Variants in RTN3 observed in about 807,000 individuals in gnomAD.
The protein encoded by RTN3 is reticulon-3.
A neutral mutation model predicts 77.8 loss-of-function variants in RTN3; 49 were observed. The ratio of observed to expected loss-of-function variants is 0.63; its 90% CI spans 0.50 to 0.80. The LOEUF is 0.80. Among genes scored for constraint, RTN3 ranks in the 30% least tolerant of loss-of-function variants. The pLI, the probability that RTN3 is intolerant of heterozygous loss-of-function variation, is 0.00. For synonymous variants in RTN3, 464 were observed against 446.9 expected, an observed-to-expected ratio of 1.04 and a Z score of -0.48; for missense variants, 1,236 against 1,211.9, an observed-to-expected ratio of 1.02 and a Z score of -0.29.
chr11:63,688,207 T>G (rs1941469987), intron 1 of RTN3, among the ~76,000 whole-genome samples: 3 of 150,246 alleles, frequency 2.0e-5, no homozygotes, highest in Admixed American at 1.3e-4. Flanking sequence ...TCTCCAAGAA[T>G]AAGAAGTGTG....
intron 3 of RTN3, among the ~76,000 whole-genome samples, chr11:63,732,434 T>G (rs1389190183): frequency 6.6e-6 from 1 of 151,740 alleles, no homozygotes; most frequent in Non-Finnish European, 1.5e-5. Flanking sequence ...CTTGGCCTCC[T>G]AAAGCGCTGA....
rs2011627954 is a variant in RTN3, at chr11:63,719,857, G to T, written c.1355G>T (p.Gly452Val). 1 of 1,614,122 alleles carries T rather than the reference G, an allele frequency of 6.2e-7. No individual in the cohort carries two copies. The highest frequency in any genetic ancestry group is 1.3e-5 in the African/African-American group (1 of 75,040). The stretch of plus-strand genomic sequence containing the variant: ...GATGACACACTTGCAGAATTACCTG[G>T]ATCTCCACCTGAGAAATGTGACTCT... ...KQDDTLAELP[G>V]SPPEKCDSLG... Residue 452 changes from glycine to valine, a missense_variant, in exon 3 of 9, where the codon GGA (glycine) becomes GTA (valine). By Grantham distance (109) the Gly-to-Val change is moderately radical (BLOSUM62 -3). Around this residue, in one of 3 missense-constraint regions of RTN3, gnomAD observed 1,056 missense variants for 990.4 expected, o/e 1.07. Coordinates refer to ENST00000377819, the MANE Select transcript of RTN3 (RefSeq NM_001265589.2).
chr11:63,727,228 T>A (rs2012347931), intron 3 of RTN3, among the ~76,000 whole-genome samples: 1 of 152,224 alleles, frequency 6.6e-6, no homozygotes, highest in African/African-American at 2.4e-5. Context: ...TCCAGAGGAA[T>A]AGAACACAGT....
intron 3 of RTN3, among the ~76,000 whole-genome samples, chr11:63,742,583 T>C (rs180937775): frequency 1.3e-5 from 2 of 152,014 alleles, no homozygotes; most frequent in East Asian, 3.9e-4. Flanking sequence ...ATGCGGAGGT[T>C]GCATTGAGCC....
At chr11:63,744,582 AT>A (rs1259376177) in intron 3 of RTN3, among the ~76,000 whole-genome samples, 1 of 152,180 alleles carries the variant, frequency 6.6e-6, no homozygotes, top group Non-Finnish European at 1.5e-5. Context: ...AAAATACAAT[AT>A]TCTAATCTTA....
intron 1 of RTN3, among the ~76,000 whole-genome samples, chr11:63,690,000 T>G (rs1232034178): frequency 3.3e-5 from 5 of 152,098 alleles, no homozygotes; most frequent in Non-Finnish European, 7.4e-5. Context: ...TCAAGTGAAC[T>G]GCCCCCGCCT....
At chr11:63,681,867 A>G in intron 1 of RTN3, 89 bp downstream of exon 1, 1 of 1,345,696 alleles carries the variant, frequency 7.4e-7, no homozygotes. Context: ...CGGGAGGAGG[A>G]CGAATTACCC....
chr11:63,727,492 G>A (rs1327836579), intron 3 of RTN3, among the ~76,000 whole-genome samples: 1 of 152,162 alleles, frequency 6.6e-6, no homozygotes, highest in African/African-American at 2.4e-5. Flanking sequence ...AGAGTCAGGT[G>A]GGGATTCTAG....
In RTN3 at chr11:63,756,540, A is replaced by G. The variant is rs562988975; in HGVS notation, c.3053+370A>G. Among the ~76,000 whole-genome samples, 6 of 152,082 alleles carry G rather than the reference A, an allele frequency of 3.9e-5. No homozygotes were observed. In the South Asian group the frequency reaches 6.2e-4, roughly 16 times the overall value. ...AATAAAAAATTAGCTGTGCATGGTA[A>G]CACGTGCCTTTAGTCCCAGCTACTG... On this transcript the variant is annotated intron_variant, in intron 8 of 8. Transcript: ENST00000377819.
At chr11:63,692,630 A>T (rs888461677) in intron 1 of RTN3, among the ~76,000 whole-genome samples, 2 of 152,004 alleles carry the variant, frequency 1.3e-5, no homozygotes, top group African/African-American at 4.8e-5. Context: ...GCGTGGTGGC[A>T]TGCGCCTGTA....
chr11:63,702,166 A>C (rs540990513), intron 1 of RTN3, among the ~76,000 whole-genome samples: 82 of 152,068 alleles, frequency 5.4e-4, no homozygotes, highest in African/African-American at 2.0e-3. Context: ...TTAATATGTA[A>C]AGTTCAGTAT....
At chr11:63,683,811 AT>A (rs1342479911) in intron 1 of RTN3, among the ~76,000 whole-genome samples, 1 of 152,072 alleles carries the variant, frequency 6.6e-6, no homozygotes, top group Admixed American at 6.6e-5. Flanking sequence ...TGCTGAAATT[AT>A]GTGTTTTGTC....
intron 3 of RTN3, among the ~76,000 whole-genome samples, chr11:63,746,258 A>G (rs61928233): frequency 0.014 from 2,164 of 152,308 alleles, 15 homozygotes; most frequent in Middle Eastern, 0.024. Flanking sequence ...TTGAATGTAT[A>G]GAAGAATTAC....
intron 3 of RTN3, among the ~76,000 whole-genome samples, chr11:63,747,200 A>C (rs531669384): frequency 1.3e-5 from 2 of 152,328 alleles, no homozygotes; most frequent in South Asian, 4.1e-4. Context: ...CAGTGCATGC[A>C]CTATGTCTGG....
intron 3 of RTN3, among the ~76,000 whole-genome samples, chr11:63,726,238 A>G (rs1229273764): frequency 6.6e-6 from 1 of 152,254 alleles, no homozygotes; most frequent in Non-Finnish European, 1.5e-5. Context: ...GAACGGGAGC[A>G]GTCAGATTCT....
In RTN3 at chr11:63,720,956, A is replaced by G. The variant is rs780837687; in HGVS notation, c.2454A>G (p.Val818=). ...TCACTATCAGAGAAACTACTAGGGT[A>G]GATGCTGTTTCCAGCCTTAGCAAGA... ...KPITIRETTR[V]DAVSSLSKTE... Residue 818 remains valine (V), a synonymous_variant, in exon 3 of 9, where the codon GTA becomes GTG. Transcript: ENST00000377819. 1.2e-6 allele frequency: 2 copies of G among 1,613,930 alleles called. No individual in the cohort carries two copies. Among genetic ancestry groups the G allele is most frequent in the South Asian group, 2.2e-5 (2 of 91,060 alleles).
At chr11:63,690,886 C>A (rs746040925) in intron 1 of RTN3, among the ~76,000 whole-genome samples, 1 of 152,144 alleles carries the variant, frequency 6.6e-6, no homozygotes, top group African/African-American at 2.4e-5. Flanking sequence ...GCTTTTCATC[C>A]TCTGTCTCCA....
In RTN3 at chr11:63,683,002, T is replaced by TA. The variant is rs549449341; in HGVS notation, c.142+1226dup. ...TTAAAGGATTTTGATCATTTTTTTT[T>TA]AATGCTTCGTTGTCTCCTTTGGCAG... On this transcript the variant is annotated intron_variant, in intron 1 of 8. Transcript: ENST00000377819. 1.7e-3 allele frequency among the ~76,000 whole-genome samples: 253 copies of TA among 152,308 alleles called. 2 individuals carry two copies. The highest frequency in any genetic ancestry group is 5.9e-3 in the African/African-American group (245 of 41,568).
intron 6 of RTN3, 139 bp from the exon 7 acceptor site, chr11:63,753,523 T>C: frequency 1.3e-6 from 1 of 765,816 alleles, no homozygotes; most frequent in South Asian, 2.0e-5. Flanking sequence ...TAATTGGGAG[T>C]GCTAACCAGG....
Sources: gnomAD v4.1 joint callset for allele counts (sites outside exome capture counted in the v4.1 genomes callset) on GRCh38, gnomAD v4.1.1 for gene constraint, gnomAD v4.1.1 regional missense constraint, MANE v1.5 for transcripts, NCBI Gene and HGNC (gene_info 2026-07-23, HGNC 2026-07-21) for gene names.